Variants in GUCY1A2 observed in about 807,000 individuals in gnomAD.
The protein encoded by GUCY1A2 is guanylate cyclase soluble subunit alpha-2.
Under a neutral mutation model 63.5 loss-of-function variants are expected in GUCY1A2, and 27 were observed. That is an observed-to-expected ratio of 0.43 (90% CI 0.31 to 0.59). The LOEUF is 0.59. GUCY1A2 is among the 20% of genes least tolerant of loss of function. GUCY1A2 has a pLI of 0.11. For synonymous variants in GUCY1A2, 364 were observed against 343.5 expected, an observed-to-expected ratio of 1.06 and a Z score of -0.66; for missense variants, 768 against 913.3, an observed-to-expected ratio of 0.84 and a Z score of 2.05.
At chr11:106,819,151 T>TTAAATGAATG (rs1228929860) in intron 4 of GUCY1A2, among the ~76,000 whole-genome samples, 3 of 152,124 alleles carry the variant, frequency 2.0e-5, no homozygotes, top group Non-Finnish European at 4.4e-5. Context: ...ATGATAAAAC[T>TTAAATGAATG]TAAATGAATG....
intron 6 of GUCY1A2, among the ~76,000 whole-genome samples, chr11:106,759,331 G>A (rs979325729): frequency 1.2e-4 from 18 of 152,110 alleles, no homozygotes; most frequent in Admixed American, 1.1e-3. Flanking sequence ...CAATTCCAGA[G>A]CAAGAATTTT....
chr11:106,837,495 T>A (rs1259855268), intron 4 of GUCY1A2, among the ~76,000 whole-genome samples: 8 of 152,012 alleles, frequency 5.3e-5, no homozygotes, highest in African/African-American at 2.4e-5. Flanking sequence ...TTTATATTCC[T>A]TTGGGTATAT....
At chr11:106,700,339 C>A (rs1160583172) in intron 7 of GUCY1A2, among the ~76,000 whole-genome samples, 2 of 152,052 alleles carry the variant, frequency 1.3e-5, no homozygotes, top group Non-Finnish European at 2.9e-5. Flanking sequence ...CCAAAAAAGA[C>A]AGACTTATTT....
chr11:106,801,860 A>C (rs1858608403), intron 5 of GUCY1A2, among the ~76,000 whole-genome samples: 1 of 152,178 alleles, frequency 6.6e-6, no homozygotes, highest in Non-Finnish European at 1.5e-5. Flanking sequence ...ATGTACCCAC[A>C]AAAATTGAAA....
At chr11:106,914,000 A>AG (rs1565329956) in intron 4 of GUCY1A2, among the ~76,000 whole-genome samples, 1 of 147,996 alleles carries the variant, frequency 6.8e-6, no homozygotes, top group African/African-American at 2.6e-5. Flanking sequence ...AAAAAAAAAA[A>AG]AAAGAAAGAA....
Position 106,676,792 on chromosome 11 carries a change from A to G in GUCY1A2, c.*10757T>C. ...CAGTCTTTAGCAGTGTGGTACTCAC[A>G]TAAAAAAAAATGACTACTTGAAAAT... On this transcript the variant is annotated 3_prime_UTR_variant, in exon 8 of 8. Transcript: ENST00000526355. 1 of 196,748 alleles carries G rather than the reference A, an allele frequency of 5.1e-6. No homozygotes were observed. The highest frequency in any genetic ancestry group is 1.1e-5 in the Non-Finnish European group (1 of 94,850). 12.2% of individuals were successfully genotyped at this position (196,748 alleles called of 1,614,324 possible).
At chr11:107,015,755 C>G (rs1381578344) in intron 1 of GUCY1A2, among the ~76,000 whole-genome samples, 1 of 152,026 alleles carries the variant, frequency 6.6e-6, no homozygotes, top group African/African-American at 2.4e-5. Flanking sequence ...GGTCATTGGA[C>G]TCCTGTTGTA....
intron 5 of GUCY1A2, among the ~76,000 whole-genome samples, chr11:106,778,368 C>A (rs1864397744): frequency 6.6e-6 from 1 of 152,196 alleles, no homozygotes; most frequent in South Asian, 2.1e-4. Context: ...TCAGCACAAG[C>A]TATAATCAAT....
chr11:106,988,535 C>T (rs1197841466), intron 1 of GUCY1A2, among the ~76,000 whole-genome samples: 2 of 152,252 alleles, frequency 1.3e-5, no homozygotes, highest in Non-Finnish European at 2.9e-5. Flanking sequence ...AGGAGTTAAG[C>T]CTTTTAAAGA....
At chr11:106,846,822 T>C (rs186024615) in intron 4 of GUCY1A2, among the ~76,000 whole-genome samples, 1 of 151,708 alleles carries the variant, frequency 6.6e-6, no homozygotes, top group Non-Finnish European at 1.5e-5. Context: ...GGAACGTTTC[T>C]GTGAAATAGA....
intron 4 of GUCY1A2, among the ~76,000 whole-genome samples, chr11:106,813,731 C>T (rs1215817760): frequency 4.6e-5 from 7 of 152,076 alleles, no homozygotes; most frequent in Non-Finnish European, 8.8e-5. Context: ...GTTCAGTTCC[C>T]TATCCTTTCA....
intron 3 of GUCY1A2, among the ~76,000 whole-genome samples, chr11:106,955,729 A>C (rs1223518036): frequency 2.0e-5 from 3 of 152,086 alleles, no homozygotes; most frequent in Non-Finnish European, 4.4e-5. Context: ...TACCTTTAAC[A>C]GTTTTTCCTT....
intron 4 of GUCY1A2, among the ~76,000 whole-genome samples, chr11:106,839,397 T>C (rs1026269985): frequency 1.3e-5 from 2 of 151,980 alleles, no homozygotes; most frequent in Non-Finnish European, 2.9e-5. Context: ...AGGAACACTT[T>C]TACACTGTTG....
chr11:106,752,114 A>T (rs1029342759), intron 6 of GUCY1A2, among the ~76,000 whole-genome samples: 8 of 152,240 alleles, frequency 5.3e-5, no homozygotes, highest in African/African-American at 1.9e-4. Context: ...AGGAAGAAGG[A>T]AGTAATTGCT....
At chr11:106,890,563 G>A (rs1282871454) in intron 4 of GUCY1A2, among the ~76,000 whole-genome samples, 3 of 152,046 alleles carry the variant, frequency 2.0e-5, no homozygotes, top group East Asian at 1.9e-4. Context: ...TGTATGTGAC[G>A]GTTCATGACC....
chr11:106,851,226 G>C (rs1308910971), intron 4 of GUCY1A2, among the ~76,000 whole-genome samples: 1 of 151,356 alleles, frequency 6.6e-6, no homozygotes, highest in African/African-American at 2.4e-5. Context: ...TGATTTGTCT[G>C]AGTTCCTTGT....
chr11:106,885,576 C>A (rs954239305), intron 4 of GUCY1A2, among the ~76,000 whole-genome samples: 3 of 152,060 alleles, frequency 2.0e-5, no homozygotes, highest in Non-Finnish European at 4.4e-5. Context: ...CTATTATTGC[C>A]TTCCATTACT....
chr11:106,954,169 C>T (rs1033028439), intron 3 of GUCY1A2, among the ~76,000 whole-genome samples: 8 of 152,176 alleles, frequency 5.3e-5, no homozygotes, highest in Non-Finnish European at 1.2e-4. Flanking sequence ...AGATTTCCAT[C>T]TTAACACTGT....
intron 5 of GUCY1A2, among the ~76,000 whole-genome samples, chr11:106,782,194 G>C (rs556222191): frequency 1.3e-5 from 2 of 152,156 alleles, no homozygotes; most frequent in Non-Finnish European, 2.9e-5. Context: ...TGGGGCATAA[G>C]AGCAGAGGTT....
Sources: gnomAD v4.1 joint callset for allele counts (sites outside exome capture counted in the v4.1 genomes callset) on GRCh38, gnomAD v4.1.1 for gene constraint, MANE v1.5 for transcripts, NCBI Gene and HGNC (gene_info 2026-07-23, HGNC 2026-07-21) for gene names.